The following COPG2 variants were observed in gnomAD, a reference collection of about 807,000 sequenced individuals.
COPG2 encodes coat protein complex I subunit gamma 2.
In COPG2, 37 loss-of-function variants were observed where a neutral mutation model predicts 46.3. The observed-to-expected ratio is 0.80, with a 90% CI of 0.61 to 1.05. The LOEUF (loss-of-function observed/expected upper bound fraction) is 1.05. COPG2 is among the 50% of genes least tolerant of loss of function. The pLI, the probability that COPG2 is intolerant of heterozygous loss-of-function variation, is 0.00. For synonymous variants in COPG2, 159 were observed against 129.7 expected, an observed-to-expected ratio of 1.23 and a Z score of -1.53; for missense variants, 427 against 387.8, an observed-to-expected ratio of 1.10 and a Z score of -0.85.
chr7:130,606,100 C>T (rs113180638), intron 9 of COPG2, among the ~76,000 whole-genome samples: 9 of 152,022 alleles, frequency 5.9e-5, no homozygotes, highest in African/African-American at 2.2e-4. Context: ...TGCTGGGATG[C>T]CTATAGTTCC....
At chr7:130,609,306 C>T (rs2116498945) in intron 9 of COPG2, among the ~76,000 whole-genome samples, 1 of 152,248 alleles carries the variant, frequency 6.6e-6, no homozygotes, top group South Asian at 2.1e-4. Flanking sequence ...ATCATGGGGG[C>T]AAGTGTTTCC....
At chr7:130,555,003 GC>G (rs1248306707) in intron 13 of COPG2, 33 bp downstream of exon 13, 4 of 398,266 alleles carry the variant, frequency 1.0e-5, no homozygotes, top group African/African-American at 2.1e-5. Flanking sequence ...ATTTAAGACA[GC>G]AACTTCCTAT....
chr7:130,515,809 G>T (rs1799673602), intron 20 of COPG2, among the ~76,000 whole-genome samples: 1 of 152,068 alleles, frequency 6.6e-6, no homozygotes, highest in Non-Finnish European at 1.5e-5. Flanking sequence ...GTGAGGAAGG[G>T]CACTGAAGCA....
chr7:130,577,767 C>CAAAAAA lies in COPG2; in HGVS notation c.738-13380_738-13375dup, dbSNP rs782674348. Among the ~76,000 whole-genome samples the CAAAAAA allele has an allele frequency of 6.4e-5, 5 of 78,144 alleles. 1 individual carries two copies. The highest frequency in any genetic ancestry group is 3.9e-4 in the African/African-American group (5 of 12,772). 51.3% of individuals were successfully genotyped at this position (78,144 alleles called of 152,430 possible). A position where few individuals can be genotyped will look rare whatever the true frequency, so the allele number is the denominator to read the frequency against. On this transcript the variant is annotated intron_variant, in intron 9 of 23. Coordinates refer to ENST00000425248, the MANE Select transcript of COPG2 (RefSeq NM_012133.6). ...TGGGCGACAGAGCGAGACTCCGTCT[C>CAAAAAA]AAAAAAAAAAAAAAAAAAAAACAAA...
chr7:130,636,218 T>G (rs1225309542), intron 5 of COPG2, among the ~76,000 whole-genome samples: 1 of 152,198 alleles, frequency 6.6e-6, no homozygotes. Context: ...TTCTATTAGG[T>G]CCGCTTGATC....
intron 11 of COPG2, among the ~76,000 whole-genome samples, chr7:130,563,067 A>T (rs948742239): frequency 6.6e-6 from 1 of 152,124 alleles, no homozygotes; most frequent in African/African-American, 2.4e-5. Context: ...TAAAATGCTT[A>T]GAAGTCAGAA....
intron 5 of COPG2, among the ~76,000 whole-genome samples, chr7:130,648,559 G>A (rs920768687): frequency 3.9e-5 from 6 of 152,072 alleles, no homozygotes; most frequent in Admixed American, 2.0e-4. Flanking sequence ...TCGGACCTAC[G>A]GAATTAGAAA....
intron 5 of COPG2, among the ~76,000 whole-genome samples, chr7:130,641,175 C>CA (rs34617870): frequency 0.42 from 37,233 of 87,784 alleles, 8,673 homozygotes; most frequent in East Asian, 0.59. Flanking sequence ...CCCTACCTCT[C>CA]AAAAAAAAAA....
chr7:130,548,769 T>C (rs889770453), intron 18 of COPG2, among the ~76,000 whole-genome samples: 9 of 151,694 alleles, frequency 5.9e-5, no homozygotes, highest in Admixed American at 2.0e-4. Context: ...TACAAAAAAA[T>C]TAGTCAGGCG....
At chr7:130,565,300 G>A (rs1359872747) in intron 9 of COPG2, among the ~76,000 whole-genome samples, 4 of 152,192 alleles carry the variant, frequency 2.6e-5, no homozygotes, top group African/African-American at 9.7e-5. Flanking sequence ...CTGGTTTAAA[G>A]CATTTAAGAA....
At chr7:130,666,759 A>C (rs1554461477) in intron 3 of COPG2, 90 bp downstream of exon 3, 1 of 662,602 alleles carries the variant, frequency 1.5e-6, no homozygotes, top group East Asian at 2.9e-5. Context: ...ATTTAAAATA[A>C]ATAAATATAC....
At chr7:130,597,143 C>T (rs1423999640) in intron 9 of COPG2, among the ~76,000 whole-genome samples, 2 of 152,180 alleles carry the variant, frequency 1.3e-5, no homozygotes, top group Non-Finnish European at 2.9e-5. Flanking sequence ...GAAATGTACC[C>T]CCAGACTCCT....
At chr7:130,645,068 CAAAAAAAA>C (rs59544911) in intron 5 of COPG2, among the ~76,000 whole-genome samples, 1 of 113,458 alleles carries the variant, frequency 8.8e-6, no homozygotes, top group Non-Finnish European at 1.9e-5. Flanking sequence ...ATCCCAAAAA[CAAAAAAAA>C]AAAAAAAAAG....
intron 12 of COPG2, among the ~76,000 whole-genome samples, chr7:130,556,435 G>C (rs1038532834): frequency 0.013 from 1,968 of 152,144 alleles, 51 homozygotes; most frequent in African/African-American, 0.044. Context: ...AATGAGAAGA[G>C]ACTCATGGAG....
chr7:130,511,640 C>T lies in COPG2; in HGVS notation c.2150-2981G>A, dbSNP rs543156103. On this transcript the variant is annotated intron_variant, in intron 20 of 23. Coordinates refer to ENST00000425248, the MANE Select transcript of COPG2 (RefSeq NM_012133.6). The stretch of plus-strand genomic sequence containing the variant: ...GGAAGGTAAGACAGCATTGCTGGGC[C>T]AAAAGTCATAAGAGAGTATGAAATA... 7.8e-6 allele frequency: 4 copies of T among 516,100 alleles called. No homozygotes were observed. In the East Asian group the frequency reaches 2.2e-4, roughly 28 times the overall value. 32.0% of individuals were successfully genotyped at this position (516,100 alleles called of 1,614,324 possible). A position where few individuals can be genotyped will look rare whatever the true frequency, so the allele number is the denominator to read the frequency against.
chr7:130,668,708 C>A lies in COPG2; in HGVS notation c.-40G>T. The A allele has an allele frequency of 6.6e-7, 1 of 1,513,846 alleles. No individual in the cohort carries two copies. Among genetic ancestry groups the A allele is most frequent in the Non-Finnish European group, 8.8e-7 (1 of 1,131,148 alleles). 93.8% of individuals were successfully genotyped at this position (1,513,846 alleles called of 1,614,324 possible). A position where few individuals can be genotyped will look rare whatever the true frequency, so the allele number is the denominator to read the frequency against. ...CAGCGCCCAGACCCACCGCAACCGT[C>A]CCAGGCGCCGCAGCCGGCGAGCGGA... On this transcript the variant is annotated 5_prime_UTR_variant, in exon 1 of 24. Coordinates refer to ENST00000425248, the MANE Select transcript of COPG2 (RefSeq NM_012133.6).
intron 5 of COPG2, among the ~76,000 whole-genome samples, chr7:130,644,001 G>T (rs563790982): frequency 3.9e-5 from 6 of 152,246 alleles, no homozygotes; most frequent in African/African-American, 1.4e-4. Flanking sequence ...GCAGTGCAAA[G>T]ATCATTGGGA....
At chr7:130,619,135 G>C (rs1017287093) in intron 5 of COPG2, among the ~76,000 whole-genome samples, 2 of 152,070 alleles carry the variant, frequency 1.3e-5, no homozygotes, top group Admixed American at 1.3e-4. Context: ...CTATAAGGCA[G>C]TGTTATCCAA....
intron 5 of COPG2, among the ~76,000 whole-genome samples, chr7:130,628,963 G>A (rs1242541704): frequency 6.6e-6 from 1 of 152,168 alleles, no homozygotes; most frequent in Non-Finnish European, 1.5e-5. Context: ...TAGGAAGACT[G>A]CTTGAGCACA....
Sources: gnomAD v4.1 joint callset for allele counts (sites outside exome capture counted in the v4.1 genomes callset) on GRCh38, gnomAD v4.1.1 for gene constraint, MANE v1.5 for transcripts, NCBI Gene and HGNC (gene_info 2026-07-23, HGNC 2026-07-21) for gene names.